The following SMAD3 variants were observed in gnomAD, a reference collection of about 807,000 sequenced individuals.
SMAD3 encodes MAD homolog 3.
Under a neutral mutation model 51.8 loss-of-function variants are expected in SMAD3, and 12 were observed. That is an observed-to-expected ratio of 0.23 (90% confidence interval 0.15 to 0.38). The LOEUF (loss-of-function observed/expected upper bound fraction) is 0.38, where lower values mean the gene tolerates loss of function less well. Ranked by LOEUF, SMAD3 falls within the 10% of genes least tolerant of loss-of-function variation. The pLI, the probability that SMAD3 is intolerant of heterozygous loss-of-function variation, is 1.00. For missense variants in SMAD3, 294 were observed against 565.6 expected, an observed-to-expected ratio of 0.52 and a Z score of 4.87; for synonymous variants, 238 against 227.7, an observed-to-expected ratio of 1.05 and a Z score of -0.41.
chr15:67,131,687 C>G (rs1341456002), intron 1 of SMAD3, among the ~76,000 whole-genome samples: 1 of 152,194 alleles, frequency 6.6e-6, no homozygotes, highest in East Asian at 1.9e-4. Context: ...AACTTAGCCA[C>G]TATACCTCAC....
chr15:67,113,095 T>TATATATATA (rs57818600), intron 1 of SMAD3, among the ~76,000 whole-genome samples: 13 of 91,092 alleles, frequency 1.4e-4, no homozygotes, highest in South Asian at 4.2e-4. Context: ...TATATATATA[T>TATATATATA]TTTTTTGAGA....
intron 6 of SMAD3, among the ~76,000 whole-genome samples, chr15:67,182,145 G>T (rs1963078549): frequency 6.6e-6 from 1 of 152,182 alleles, no homozygotes; most frequent in Non-Finnish European, 1.5e-5. Context: ...TAAGTAGGCA[G>T]TCATTGTTGG....
intron 1 of SMAD3, 146 bp from the exon 2 acceptor site, chr15:67,164,749 A>T (rs1460864073): frequency 1.2e-6 from 1 of 854,830 alleles, no homozygotes; most frequent in Non-Finnish European, 2.0e-6. Context: ...CTCAGCTAGC[A>T]GTGCTCTGAT....
At chr15:67,093,272 G>T (rs566018833) in intron 1 of SMAD3, among the ~76,000 whole-genome samples, 1 of 152,314 alleles carries the variant, frequency 6.6e-6, no homozygotes, top group South Asian at 2.1e-4. Context: ...TGCAAATCAG[G>T]TGCGATGATG....
At position 67,108,236 on chromosome 15, in the gene SMAD3, G is replaced by A. The variant is rs118091321; in HGVS notation, c.206+41876G>A. Reference sequence around the variant, plus strand: ...ATTGCTGTAAATGGGCAGGGATTACGCATTTGTGGAGTGACTGATTTCAAG... The same window carrying A: ...ATTGCTGTAAATGGGCAGGGATTACACATTTGTGGAGTGACTGATTTCAAG... On this transcript the variant is annotated intron_variant, in intron 1 of 8. Transcript: ENST00000327367. Among the ~76,000 whole-genome samples the A allele has an allele frequency of 5.9e-3, 895 of 152,216 alleles. 50 individuals carry two copies. In the East Asian group the frequency reaches 0.13, roughly 21 times the overall value.
intron 1 of SMAD3, among the ~76,000 whole-genome samples, chr15:67,131,668 G>T (rs1363152928): frequency 6.6e-6 from 1 of 152,084 alleles, no homozygotes; most frequent in African/African-American, 2.4e-5. Flanking sequence ...CCTCTCTCTC[G>T]AGAGCCCTAA....
At chr15:67,153,321 G>A (rs1050388942) in intron 1 of SMAD3, among the ~76,000 whole-genome samples, 3 of 152,082 alleles carry the variant, frequency 2.0e-5, no homozygotes, top group Admixed American at 6.6e-5. Context: ...GTGAAACCCC[G>A]TCTCTACTAA....
At chr15:67,068,102 T>G (rs1421203117) in intron 1 of SMAD3, among the ~76,000 whole-genome samples, 1 of 151,984 alleles carries the variant, frequency 6.6e-6, no homozygotes, top group Non-Finnish European at 1.5e-5. Context: ...TTTTCTGAGG[T>G]CCTCAAAAAA....
At chr15:67,104,932 G>A (rs190384927) in intron 1 of SMAD3, among the ~76,000 whole-genome samples, 4 of 152,352 alleles carry the variant, frequency 2.6e-5, no homozygotes, top group Admixed American at 2.0e-4. Flanking sequence ...GACAGACACC[G>A]TGCAGCTGCG....
intron 1 of SMAD3, among the ~76,000 whole-genome samples, chr15:67,128,748 A>G (rs553175795): frequency 1.2e-4 from 19 of 152,022 alleles, no homozygotes; most frequent in African/African-American, 4.1e-4. Context: ...GTTTTTAAAT[A>G]TATTTTTTAG....
intron 1 of SMAD3, among the ~76,000 whole-genome samples, chr15:67,152,137 C>T (rs1304367252): frequency 3.9e-5 from 6 of 152,226 alleles, no homozygotes; most frequent in Non-Finnish European, 8.8e-5. Context: ...CCCCATCCCT[C>T]TGTTCCCTTT....
chr15:67,151,050 G>A (rs1019470430), intron 1 of SMAD3, among the ~76,000 whole-genome samples: 1 of 151,296 alleles, frequency 6.6e-6, no homozygotes, highest in African/African-American at 2.4e-5. Flanking sequence ...TAGAGACGGG[G>A]TTTCACCATG....
chr15:67,184,823 G>A lies in SMAD3; in HGVS notation c.968G>A (p.Arg323His), dbSNP rs758586312. The A allele has an allele frequency of 1.4e-5, 22 of 1,613,464 alleles. No homozygotes were observed. Among genetic ancestry groups the A allele is most frequent in the Middle Eastern group, 3.6e-4 (2 of 5,574 alleles). Residue 323 changes from arginine to histidine, a missense_variant, in exon 7 of 9, where the codon CGC becomes CAC. This residue lies in a region of SMAD3 where 118 missense variants were observed against 278.0 expected (regional missense o/e 0.42). Transcript: ENST00000327367. ...IFVQSPNCNQ[R>H]YGWHPATVCK... ...GTCCAGTCTCCCAACTGTAACCAGC[G>A]CTATGGCTGGCACCCGGCCACCGTC...
Position 67,119,503 on chromosome 15 carries a change from T to TG in SMAD3, c.207-45391dup, listed in dbSNP as rs1961210672. 3.9e-5 allele frequency among the ~76,000 whole-genome samples: 6 copies of TG among 152,248 alleles called. No individual in the cohort carries two copies. The South Asian group carries it at 1.2e-3, about 32-fold the overall frequency. ...GCCAGAGAGGGACCTGGGTAAGGGC[T>TG]GACCGTGGGTGGGGAGCGCATGGAG... On this transcript the variant is annotated intron_variant, in intron 1 of 8. Transcript: ENST00000327367.
At chr15:67,143,046 T>C (rs1961875459) in intron 1 of SMAD3, 2 of 212,904 alleles carry the variant, frequency 9.4e-6, no homozygotes, top group South Asian at 9.3e-5. Flanking sequence ...GATTCTCTAA[T>C]GCCAGCTTGA....
chr15:67,163,122 C>A (rs967464438), intron 1 of SMAD3, among the ~76,000 whole-genome samples: 2 of 152,018 alleles, frequency 1.3e-5, no homozygotes, highest in Non-Finnish European at 2.9e-5. Context: ...TACAGGCGCC[C>A]GCCACCATGC....
intron 1 of SMAD3, among the ~76,000 whole-genome samples, chr15:67,095,589 A>G (rs561576950): frequency 6.6e-5 from 10 of 152,054 alleles, no homozygotes; most frequent in East Asian, 5.8e-4. Context: ...CTGGAGTGCA[A>G]TGGCTCAATA....
At chr15:67,071,318 A>G (rs1165715821) in intron 1 of SMAD3, among the ~76,000 whole-genome samples, 1 of 152,224 alleles carries the variant, frequency 6.6e-6, no homozygotes, top group African/African-American at 2.4e-5. Context: ...TACTAAACTG[A>G]GTGCTGCTAT....
At chr15:67,108,520 G>A (rs1960931929) in intron 1 of SMAD3, among the ~76,000 whole-genome samples, 1 of 152,110 alleles carries the variant, frequency 6.6e-6, no homozygotes, top group African/African-American at 2.4e-5. Flanking sequence ...CCTCCTCCTG[G>A]CCACTGCAAA....
Sources: allele counts gnomAD v4.1 joint callset (sites outside exome capture counted in the v4.1 genomes callset), GRCh38; gene constraint gnomAD v4.1.1; regional missense constraint gnomAD v4.1.1; transcripts MANE v1.5; gene names NCBI Gene and HGNC (gene_info 2026-07-23, HGNC 2026-07-21).